Variants in PCDHGA2 observed in about 807,000 individuals in gnomAD.
The protein encoded by PCDHGA2 is protocadherin gamma subfamily A, 2.
In PCDHGA2, 40 loss-of-function variants were observed where a neutral mutation model predicts 59.2. The observed-to-expected ratio is 0.68, with a 90% confidence interval of 0.52 to 0.88. PCDHGA2 has a LOEUF of 0.88. Among genes scored for constraint, PCDHGA2 ranks in the 40% least tolerant of loss-of-function variants. PCDHGA2 has a pLI of 0.00. For missense variants in PCDHGA2, 1,226 were observed against 1,204.0 expected (o/e 1.02, Z -0.27); for synonymous variants, 560 against 526.0 (o/e 1.06, Z -0.89).
intron 1 of PCDHGA2, chr5:141,384,826 G>C (rs750050142): frequency 6.2e-7 from 1 of 1,613,472 alleles, no homozygotes; most frequent in Non-Finnish European, 8.5e-7. Flanking sequence ...GCAGAGCCTC[G>C]TGGTGGCCGT....
chr5:141,438,072 A>C (rs761630845), intron 1 of PCDHGA2, among the ~76,000 whole-genome samples: 1 of 152,158 alleles, frequency 6.6e-6, no homozygotes, highest in Non-Finnish European at 1.5e-5. Flanking sequence ...AACCATACTT[A>C]ATGGAAAATT....
At position 141,366,149 on chromosome 5, in the gene PCDHGA2, C is replaced by A; in HGVS notation, c.2424+24754C>A. On this transcript the variant is annotated intron_variant, in intron 1 of 3. Coordinates refer to ENST00000394576, the MANE Select transcript of PCDHGA2 (RefSeq NM_018915.4). ...AGGCCAGAACGCCTGGCTGTCCTAC[C>A]GCCTGCTTAAGGCCAGCGAGCCAGG... is the stretch of plus-strand genomic sequence containing the variant. The A allele has an allele frequency of 4.3e-6, 7 of 1,614,160 alleles. No individual in the cohort carries two copies. Among genetic ancestry groups the A allele is most frequent in the Non-Finnish European group, 5.9e-6 (7 of 1,180,048 alleles).
At chr5:141,381,826 CTT>C (rs770630741) in intron 1 of PCDHGA2, among the ~76,000 whole-genome samples, 2,382 of 74,222 alleles carry the variant, frequency 0.032, 21 homozygotes, top group African/African-American at 0.07. Context: ...CTTTCTTCTT[CTT>C]TTTTTTTTTT....
chr5:141,432,071 AT>A lies in PCDHGA2; in HGVS notation c.2425-62735del. 1 of 1,614,158 alleles carries A rather than the reference AT, an allele frequency of 6.2e-7. No individual in the cohort carries two copies. Among genetic ancestry groups the A allele is most frequent in the Non-Finnish European group, 8.5e-7 (1 of 1,180,032 alleles). ...CCCGCCCCTATCCACGGAAACTCAT[AT>A]CTCGCTGAACGTGGCAGACACCAAC... On this transcript the variant is annotated intron_variant, in intron 1 of 3. Transcript: ENST00000394576. The surrounding 1 kb of genome is among the most constrained non-coding windows in gnomAD (Gnocchi z 6.0).
rs368585389 is a variant in PCDHGA2, at chr5:141,419,428, G to A, written c.2425-75379G>A. On this transcript the variant is annotated intron_variant, in intron 1 of 3. Coordinates refer to ENST00000394576, the MANE Select transcript of PCDHGA2 (RefSeq NM_018915.4). ...TCGCGCAGCGCGCCTTCGACCACGAGCAGCTGCGCACCTTCGAGCTCACGC... is the reference window on the plus strand; with the variant it reads ...TCGCGCAGCGCGCCTTCGACCACGAACAGCTGCGCACCTTCGAGCTCACGC... 4 of 1,613,192 alleles carry A rather than the reference G, an allele frequency of 2.5e-6. No individual in the cohort carries two copies. In the African/African-American group the frequency reaches 4.0e-5, roughly 16 times the overall value.
rs1161188105 is a variant in PCDHGA2, at chr5:141,427,974, G to A, written c.2425-66833G>A. 9 of 1,594,458 alleles carry A rather than the reference G, an allele frequency of 5.6e-6. No individual in the cohort carries two copies. In the Admixed American group the frequency reaches 1.5e-4, roughly 27 times the overall value. ...CAATGTGCCGCGGGTGCTGTACCCC[G>A]CGCTGGGGCCCGATGGCTCCGCACT... On this transcript the variant is annotated intron_variant, in intron 1 of 3. Transcript: ENST00000394576.
chr5:141,376,685 T>G lies in PCDHGA2; in HGVS notation c.2424+35290T>G, dbSNP rs866718563. On this transcript the variant is annotated intron_variant, in intron 1 of 3. Coordinates refer to ENST00000394576, the MANE Select transcript of PCDHGA2 (RefSeq NM_018915.4). The stretch of plus-strand genomic sequence containing the variant: ...TTCAGGTGAGGGTATCGTTTTTTTT[T>G]TTTTTTTTTTTTGAGACGGAGTCTC... The G allele has an allele frequency of 7.7e-4, 627 of 813,788 alleles. 5 individuals carry two copies. In the African/African-American group the frequency reaches 9.6e-3, roughly 12 times the overall value. 50.4% of individuals were successfully genotyped at this position (813,788 alleles called of 1,614,324 possible).
chr5:141,389,314 C>T (rs2091698838), intron 1 of PCDHGA2: 2 of 1,613,880 alleles, frequency 1.2e-6, no homozygotes, highest in Non-Finnish European at 8.5e-7. Context: ...GCTTCTGATC[C>T]GGACTTGGGG....
At chr5:141,375,541 A>C (rs566370523) in intron 1 of PCDHGA2, 1 of 1,613,904 alleles carries the variant, frequency 6.2e-7, no homozygotes, top group South Asian at 1.1e-5. Flanking sequence ...AGAACGCCCA[A>C]GTCTCCTACT....
In PCDHGA2 at chr5:141,357,543, C is replaced by G. The variant is rs376070202; in HGVS notation, c.2424+16148C>G. On this transcript the variant is annotated intron_variant, in intron 1 of 3. Transcript: ENST00000394576. ...CCAGCTATGCAGACACGCTCATCAG[C>G]CGGGAGAGTTGTGAGAAAAGCGAGC... is the stretch of plus-strand genomic sequence containing the variant. 15 of 1,614,066 alleles carry G rather than the reference C, an allele frequency of 9.3e-6. No individual in the cohort carries two copies. In the African/African-American group the frequency reaches 2.0e-4, roughly 22 times the overall value.
chr5:141,389,456 C>T, intron 1 of PCDHGA2: 1 of 1,613,332 alleles, frequency 6.2e-7, no homozygotes, highest in South Asian at 1.1e-5. Context: ...AGCAGCTGCG[C>T]GCCTTCGAAC....
chr5:141,383,057 G>A (rs1778763110), intron 1 of PCDHGA2: 2 of 1,613,902 alleles, frequency 1.2e-6, no homozygotes, highest in Non-Finnish European at 1.7e-6. Context: ...AAGGACCTGG[G>A]GCTGGAGCCC....
intron 1 of PCDHGA2, chr5:141,399,490 G>A (rs750081604): frequency 1.1e-5 from 17 of 1,614,036 alleles, no homozygotes; most frequent in Non-Finnish European, 1.4e-5. Flanking sequence ...GTCCTACTTA[G>A]TCAGTGTACC....
At chr5:141,367,958 C>A (rs1349298389) in intron 1 of PCDHGA2, among the ~76,000 whole-genome samples, 1 of 152,088 alleles carries the variant, frequency 6.6e-6, no homozygotes, top group African/African-American at 2.4e-5. Flanking sequence ...AATTTCATAT[C>A]TAACGTATGT....
rs753258464 is a variant in PCDHGA2, at chr5:141,388,966, G to T, written c.2424+47571G>T. ...CTAATTATGGAGGACGCCGAGCTGG[G>T]AACACATATTGCTTTGCTCAAAGTC... On this transcript the variant is annotated intron_variant, in intron 1 of 3. Coordinates refer to ENST00000394576, the MANE Select transcript of PCDHGA2 (RefSeq NM_018915.4). 15 of 1,613,896 alleles carry T rather than the reference G, an allele frequency of 9.3e-6. No homozygotes were observed. In the Admixed American group the frequency reaches 2.3e-4, roughly 25 times the overall value.
chr5:141,343,934 A>G (rs1757342674), intron 1 of PCDHGA2: 3 of 1,126,444 alleles, frequency 2.7e-6, no homozygotes, highest in Non-Finnish European at 3.8e-6. Context: ...TGACCTGTGA[A>G]TTAGGCCCGT....
At chr5:141,357,004 G>A (rs1280920888) in intron 1 of PCDHGA2, 2 of 1,614,086 alleles carry the variant, frequency 1.2e-6, no homozygotes, top group African/African-American at 1.3e-5. Flanking sequence ...AGGTCAGAAT[G>A]CCTGGCTGTC....
intron 1 of PCDHGA2, chr5:141,370,500 G>T (rs781752977): frequency 6.2e-7 from 1 of 1,613,922 alleles, no homozygotes; most frequent in Admixed American, 1.7e-5. Flanking sequence ...GATCCGCTAC[G>T]CTATTCCCGA....
At chr5:141,425,253 A>G (rs1019069029) in intron 1 of PCDHGA2, among the ~76,000 whole-genome samples, 12 of 152,196 alleles carry the variant, frequency 7.9e-5, no homozygotes, top group Non-Finnish European at 1.5e-4. Context: ...GATATGAGGT[A>G]TTTGGCTGGG....
Sources: gnomAD v4.1 joint callset for allele counts (sites outside exome capture counted in the v4.1 genomes callset) on GRCh38, gnomAD v4.1.1 for gene constraint, Gnocchi (gnomAD v3.1) non-coding constraint, MANE v1.5 for transcripts, NCBI Gene and HGNC (gene_info 2026-07-23, HGNC 2026-07-21) for gene names.